The following ADCY2 variants were observed in gnomAD, a reference collection of about 807,000 sequenced individuals.
The protein encoded by ADCY2 is adenylate cyclase type 2.
In ADCY2, 31 loss-of-function variants were observed where a neutral mutation model predicts 125.2. The observed-to-expected ratio is 0.25, with a 90% CI of 0.19 to 0.33. The LOEUF (loss-of-function observed/expected upper bound fraction) is 0.33, where lower values mean the gene tolerates loss of function less well. Among genes scored for constraint, ADCY2 ranks in the 10% least tolerant of loss-of-function variants. The pLI is 1.00. For missense variants in ADCY2, 904 were observed against 1,418.2 expected, an observed-to-expected ratio of 0.64 and a Z score of 5.82; for synonymous variants, 512 against 548.4, an observed-to-expected ratio of 0.93 and a Z score of 0.93.
At chr5:7,543,441 T>C (rs1037869796) in intron 3 of ADCY2, among the ~76,000 whole-genome samples, 10 of 152,204 alleles carry the variant, frequency 6.6e-5, no homozygotes, top group Admixed American at 5.2e-4. Context: ...TTGACCCTTT[T>C]AGATCAATTA....
At chr5:7,463,145 T>C (rs986615767) in intron 2 of ADCY2, among the ~76,000 whole-genome samples, 5 of 152,244 alleles carry the variant, frequency 3.3e-5, no homozygotes, top group South Asian at 2.1e-4. Flanking sequence ...TAAACATACC[T>C]ATAAAATTGG....
Position 7,693,418 on chromosome 5 carries a change from T to G in ADCY2, c.870-2334T>G, listed in dbSNP as rs1031441922. On this transcript the variant is annotated intron_variant, in intron 5 of 24. Transcript: ENST00000338316. ...ACAATTGCCTGCTGTTTTTTGTTTT[T>G]TTTTTTTTTTTTTTTTTTGAGACGG... Among the ~76,000 whole-genome samples the G allele has an allele frequency of 2.1e-3, 279 of 133,520 alleles. 2 individuals carry two copies. The highest frequency in any genetic ancestry group is 6.9e-3 in the African/African-American group (254 of 37,022). 87.6% of individuals were successfully genotyped at this position (133,520 alleles called of 152,430 possible).
intron 3 of ADCY2, among the ~76,000 whole-genome samples, chr5:7,575,135 G>A (rs1437488766): frequency 6.6e-6 from 1 of 151,896 alleles, no homozygotes; most frequent in Admixed American, 6.6e-5. Context: ...AGACCAGCCT[G>A]AAAAACATAG....
chr5:7,791,211 C>A (rs1438163963), intron 20 of ADCY2, among the ~76,000 whole-genome samples: 1 of 151,896 alleles, frequency 6.6e-6, no homozygotes, highest in Non-Finnish European at 1.5e-5. Context: ...AGTTCCCAAG[C>A]TTAACTTTTA....
At chr5:7,712,123 G>A (rs1366780741) in intron 10 of ADCY2, among the ~76,000 whole-genome samples, 2 of 152,206 alleles carry the variant, frequency 1.3e-5, no homozygotes, top group East Asian at 1.9e-4. Flanking sequence ...TTTCCTTTCC[G>A]TAGGCTAAAT....
chr5:7,804,777 C>T (rs550119521), intron 22 of ADCY2, 85 bp downstream of exon 22: 13 of 934,098 alleles, frequency 1.4e-5, no homozygotes, highest in Non-Finnish European at 1.9e-5. Context: ...CCATGAAATG[C>T]CCCAAGAACT....
At chr5:7,546,483 T>C (rs1157676748) in intron 3 of ADCY2, among the ~76,000 whole-genome samples, 1 of 152,140 alleles carries the variant, frequency 6.6e-6, no homozygotes, top group East Asian at 1.9e-4. Context: ...GGGCACACAG[T>C]GTGGAAGTGG....
At chr5:7,776,994 G>A (rs988376613) in intron 18 of ADCY2, among the ~76,000 whole-genome samples, 7 of 152,004 alleles carry the variant, frequency 4.6e-5, no homozygotes, top group East Asian at 1.9e-4. Flanking sequence ...CTTTGCAGAC[G>A]GCCTGTCATG....
At chr5:7,683,340 A>G (rs1740402809) in intron 4 of ADCY2, among the ~76,000 whole-genome samples, 1 of 152,246 alleles carries the variant, frequency 6.6e-6, no homozygotes, top group African/African-American at 2.4e-5. Flanking sequence ...GGGACGGAGG[A>G]CATAGGTTGG....
chr5:7,483,001 C>T (rs1271475503), intron 2 of ADCY2, among the ~76,000 whole-genome samples: 1 of 151,576 alleles, frequency 6.6e-6, no homozygotes, highest in East Asian at 1.9e-4. Flanking sequence ...TGATAGTAAG[C>T]AGAGGCTGGG....
chr5:7,765,164 C>A (rs1743340662), intron 16 of ADCY2, among the ~76,000 whole-genome samples: 1 of 152,050 alleles, frequency 6.6e-6, no homozygotes, highest in Non-Finnish European at 1.5e-5. Context: ...TAGTTTTTTG[C>A]CTATAGGTGA....
At chr5:7,704,207 G>A (rs1024165926) in intron 7 of ADCY2, among the ~76,000 whole-genome samples, 9 of 151,948 alleles carry the variant, frequency 5.9e-5, no homozygotes, top group Admixed American at 2.6e-4. Flanking sequence ...TGAGGGGAAC[G>A]TGCACACCTG....
chr5:7,560,696 G>GTT (rs138846066), intron 3 of ADCY2, among the ~76,000 whole-genome samples: 66 of 149,132 alleles, frequency 4.4e-4, no homozygotes, highest in African/African-American at 1.6e-3. Context: ...TCACTAACAG[G>GTT]TTTTTTTTTT....
chr5:7,513,112 G>C (rs372903326), intron 2 of ADCY2, among the ~76,000 whole-genome samples: 104 of 103,592 alleles, frequency 1.0e-3, no homozygotes, highest in South Asian at 1.5e-3. Flanking sequence ...CACACAGAGA[G>C]AGAGAGAGAG....
At chr5:7,613,598 T>C (rs1737649209) in intron 3 of ADCY2, among the ~76,000 whole-genome samples, 3 of 152,354 alleles carry the variant, frequency 2.0e-5, no homozygotes, top group African/African-American at 7.2e-5. Context: ...TGAGCTTTGG[T>C]GTGCAAAGTT....
At chr5:7,678,556 A>C (rs1366412) in intron 4 of ADCY2, among the ~76,000 whole-genome samples, 70,507 of 152,022 alleles carry the variant, frequency 0.46, 16,871 homozygotes, top group East Asian at 0.83. Context: ...TAACATATAC[A>C]TATATATTTA....
At chr5:7,722,528 A>G (rs1741792586) in intron 12 of ADCY2, among the ~76,000 whole-genome samples, 2 of 152,180 alleles carry the variant, frequency 1.3e-5, no homozygotes, top group Non-Finnish European at 2.9e-5. Context: ...TTTAATGTTA[A>G]CCAATCTTTG....
chr5:7,753,372 G>T (rs1017895987), intron 15 of ADCY2, among the ~76,000 whole-genome samples: 10 of 152,150 alleles, frequency 6.6e-5, no homozygotes, highest in Admixed American at 5.9e-4. Context: ...ATCAAGGAAG[G>T]GAGGAAACAG....
Position 7,520,826 on chromosome 5 carries a change from C to G in ADCY2, c.497C>G (p.Ser166Cys). ...RDAIIASVLT[S>C]SSHTIVLSVC... ...GCCATCATTGCCAGCGTCCTCACCT[C>G]CTCCTCCCACACCATCGTGCTTAGC... The change falls in exon 3 of 25, where the codon TCC becomes TGC. Residue 166 changes from serine (S) to cysteine (C), a missense_variant. Coordinates refer to ENST00000338316, the MANE Select transcript of ADCY2 (RefSeq NM_020546.3). The G allele has an allele frequency of 6.2e-7, 1 of 1,614,232 alleles. No individual in the cohort carries two copies. Among genetic ancestry groups the G allele is most frequent in the Non-Finnish European group, 8.5e-7 (1 of 1,180,038 alleles).
Sources: gnomAD v4.1 joint callset for allele counts (sites outside exome capture counted in the v4.1 genomes callset) on GRCh38, gnomAD v4.1.1 for gene constraint, MANE v1.5 for transcripts, NCBI Gene and HGNC (gene_info 2026-07-23, HGNC 2026-07-21) for gene names.